Variants in PIEZO1 observed in about 807,000 individuals in gnomAD.
The protein encoded by PIEZO1 is piezo-type mechanosensitive ion channel component 1.
A neutral mutation model predicts 297.2 loss-of-function variants in PIEZO1; 296 were observed. That is an observed-to-expected ratio of 1.00 (90% CI 0.91 to 1.10). The LOEUF is 1.10. Ranked by LOEUF, PIEZO1 falls within the 50% of genes least tolerant of loss-of-function variation. The pLI is 0.00. For synonymous variants in PIEZO1, 2,427 were observed against 1,507.5 expected, an observed-to-expected ratio of 1.61 and a Z score of -14.13; for missense variants, 5,018 against 3,455.5, an observed-to-expected ratio of 1.45 and a Z score of -11.34.
chr16:88,731,696 T>C lies in PIEZO1; in HGVS notation c.3196+10A>G, dbSNP rs1471340820. The C allele has an allele frequency of 1.2e-5, 19 of 1,547,526 alleles. No homozygotes were observed. In the South Asian group the frequency reaches 1.9e-4, roughly 16 times the overall value. ...AAAGCCCACTCCCACCCAAGCCACG[T>C]GCCCCTCACCAATGCACAGGGCCGG... On this transcript the variant is annotated intron_variant, in intron 22 of 50. Coordinates refer to ENST00000301015, the MANE Select transcript of PIEZO1 (RefSeq NM_001142864.4).
chr16:88,732,909 G>A lies in PIEZO1; in HGVS notation c.2665-177C>T, dbSNP rs569522625. 4.4e-5 allele frequency: 28 copies of A among 637,000 alleles called. No individual in the cohort carries two copies. The African/African-American group carries it at 4.4e-4, about 10-fold the overall frequency. The allele number at this position is 637,000 out of a possible 1,614,324, so 39.5% of individuals were successfully genotyped here. On this transcript the variant is annotated intron_variant, in intron 19 of 50. Coordinates refer to ENST00000301015, the MANE Select transcript of PIEZO1 (RefSeq NM_001142864.4). The stretch of plus-strand genomic sequence containing the variant: ...AAGGGGACCAGGTGTTTGAGAAACA[G>A]GGAGACCACGGGCAGGGGCTGGGGG...
chr16:88,724,850 G>A (rs921357389), intron 30 of PIEZO1, among the ~76,000 whole-genome samples, 159 bp downstream of exon 30: 1 of 152,180 alleles, frequency 6.6e-6, no homozygotes, highest in African/African-American at 2.4e-5. Context: ...GGGGTCTGCA[G>A]CCAGTGAGGC....
At chr16:88,773,169 T>C (rs570450851) in intron 1 of PIEZO1, among the ~76,000 whole-genome samples, 25 of 152,338 alleles carry the variant, frequency 1.6e-4, no homozygotes, top group South Asian at 2.1e-4. Context: ...CTGGGTCTCA[T>C]TGATTCAGGC....
chr16:88,733,109 T>G (rs1333331262), intron 19 of PIEZO1, 169 bp downstream of exon 19: 1 of 644,168 alleles, frequency 1.6e-6, no homozygotes, highest in Non-Finnish European at 2.7e-6. Context: ...GGTCCACAGT[T>G]GAGGTCGAAG....
At chr16:88,751,283 C>T (rs1334308465) in intron 1 of PIEZO1, among the ~76,000 whole-genome samples, 5 of 152,214 alleles carry the variant, frequency 3.3e-5, no homozygotes, top group Non-Finnish European at 7.3e-5. Flanking sequence ...CTTTCACAGC[C>T]TGGTGGGGCC....
chr16:88,740,424 CCCCCA>C (rs1905564204), intron 5 of PIEZO1: 1 of 152,378 alleles, frequency 6.6e-6, no homozygotes, highest in Non-Finnish European at 1.5e-5. Context: ...ATGCCCCATG[CCCCCA>C]TCAGCATGGA....
In PIEZO1 at chr16:88,735,010, C is replaced by T. The variant is rs1905110184; in HGVS notation, c.1713G>A (p.Leu571=). ...TQTLLQSLGE[L]VKGVYAKYWI... ...AGTACTTGGCGTACACGCCCTTCAC[C>T]AGCTCCCCCAGGCTCTGCAACAGCG... Residue 571 remains leucine, a synonymous_variant, in exon 14 of 51, where the codon CTG becomes CTA. Transcript: ENST00000301015. 2 of 1,550,402 alleles carry T rather than the reference C, an allele frequency of 1.3e-6. No homozygotes were observed. The highest frequency in any genetic ancestry group is 3.9e-5 in the Admixed American group (2 of 50,996).
In PIEZO1 at chr16:88,737,627, GGTGCTGTGGGCACCAC is replaced by G; in HGVS notation, c.1111_1126del (p.Val371ProfsTer13). ...GATGCAGTTATCAGCCTCGGTGTCG[GGTGCTGTGGGCACCAC>G]GTGCTGTGGGCAAGCAGCGCTGAGC... On this transcript the variant is annotated frameshift_variant, in exon 10 of 51. Coordinates refer to ENST00000301015, the MANE Select transcript of PIEZO1 (RefSeq NM_001142864.4). LOFTEE classifies it high-confidence loss of function. 13 of 1,534,892 alleles carry G rather than the reference GGTGCTGTGGGCACCAC, an allele frequency of 8.5e-6. No homozygotes were observed. Among genetic ancestry groups the G allele is most frequent in the East Asian group, 2.4e-5 (1 of 40,922 alleles).
chr16:88,726,656 A>AT lies in PIEZO1; in HGVS notation c.3700-14_3700-13insA. On this transcript the variant is annotated splice_polypyrimidine_tract_variant and intron_variant, in intron 25 of 50. Coordinates refer to ENST00000301015, the MANE Select transcript of PIEZO1 (RefSeq NM_001142864.4). ...CGCAGGCCAGGAGCTGGGGGAGAGC[A>AT]GGGTCAGCGGGGCCAGCGGGGCCCC... 1 of 941,030 alleles carries AT rather than the reference A, an allele frequency of 1.1e-6. No individual in the cohort carries two copies. The highest frequency in any genetic ancestry group is 1.5e-6 in the Non-Finnish European group (1 of 671,046). 58.3% of individuals were successfully genotyped at this position (941,030 alleles called of 1,614,324 possible).
In PIEZO1 at chr16:88,716,047, A is replaced by G; in HGVS notation, c.7202T>C (p.Leu2401Pro). ...REQGAGATGF[L>P]EWWVIELQEC... ...CTGCAGCTCGATGACCCACCATTCG[A>G]GGAAGCCGGTGGCCCCCGCACCCTG... is the stretch of plus-strand genomic sequence containing the variant. The change falls in exon 50 of 51, where the codon CTC becomes CCC. Residue 2401 changes from leucine (L) to proline (P), a missense_variant. Leu to Pro is a moderately conservative substitution (Grantham distance 98). Coordinates refer to ENST00000301015, the MANE Select transcript of PIEZO1 (RefSeq NM_001142864.4). 6.5e-7 allele frequency: 1 copy of G among 1,550,202 alleles called. No individual in the cohort carries two copies. The highest frequency in any genetic ancestry group is 8.7e-7 in the Non-Finnish European group (1 of 1,146,908).
intron 2 of PIEZO1, 37 bp from the exon 3 acceptor site, chr16:88,742,459 A>T (rs1228179353): frequency 6.5e-7 from 1 of 1,528,990 alleles, no homozygotes; most frequent in Non-Finnish European, 8.7e-7. Flanking sequence ...GGTCCCGGGG[A>T]CGGGGAGGGG....
At position 88,726,671 on chromosome 16, in the gene PIEZO1, A is replaced by C. The variant is rs1904460450; in HGVS notation, c.3700-28T>G. ...GGGGGAGAGCAGGGTCAGCGGGGCC[A>C]GCGGGGCCCCAGGGCGGTGGGTGCG... On this transcript the variant is annotated intron_variant, in intron 25 of 50. Coordinates refer to ENST00000301015, the MANE Select transcript of PIEZO1 (RefSeq NM_001142864.4). 6.3e-6 allele frequency: 9 copies of C among 1,434,844 alleles called. No individual in the cohort carries two copies. The South Asian group carries it at 8.5e-5, about 14-fold the overall frequency. 88.9% of individuals were successfully genotyped at this position (1,434,844 alleles called of 1,614,324 possible).
At chr16:88,767,310 T>G (rs1477205459) in intron 1 of PIEZO1, among the ~76,000 whole-genome samples, 2 of 152,102 alleles carry the variant, frequency 1.3e-5, no homozygotes, top group Non-Finnish European at 2.9e-5. Context: ...CTGGGCCAGG[T>G]CCTGCCCATG....
intron 12 of PIEZO1, among the ~76,000 whole-genome samples, 172 bp from the exon 13 acceptor site, chr16:88,735,418 C>T (rs1905143943): frequency 6.6e-6 from 1 of 152,246 alleles, no homozygotes; most frequent in Admixed American, 6.5e-5. Flanking sequence ...CACACCCACT[C>T]AGAGGCACAC....
Position 88,769,813 on chromosome 16 carries a change from G to A in PIEZO1, c.64+15088C>T, listed in dbSNP as rs777400007. 5.0e-4 allele frequency among the ~76,000 whole-genome samples: 76 copies of A among 152,324 alleles called. 1 individual carries two copies. Among genetic ancestry groups the A allele is most frequent in the East Asian group, 3.1e-3 (16 of 5,186 alleles). On this transcript the variant is annotated intron_variant, in intron 1 of 50. Transcript: ENST00000301015. ...GGGCCAGGGTGGGCGGGGCCAGGAC[G>A]AGCCTCATGTCACCTCTGCTAGCTC...
chr16:88,737,497 G>C (rs1463879177), intron 10 of PIEZO1, 62 bp downstream of exon 10: 2 of 1,208,118 alleles, frequency 1.7e-6, no homozygotes, highest in Middle Eastern at 2.7e-4. Flanking sequence ...CCACCAGGGG[G>C]CAGCACCGGC....
Position 88,736,118 on chromosome 16 carries a change from G to A in PIEZO1, c.1557+30C>T, listed in dbSNP as rs985069774. ...AACCCTGATGGGTCTGCGCACCCAG[G>A]CACCCCCGGATGTGGTGGTGCACAC... is the stretch of plus-strand genomic sequence containing the variant. On this transcript the variant is annotated intron_variant, in intron 12 of 50. Transcript: ENST00000301015. 4.6e-6 allele frequency: 7 copies of A among 1,520,730 alleles called. No homozygotes were observed. The East Asian group carries it at 1.7e-4, about 38-fold the overall frequency. 94.2% of individuals were successfully genotyped at this position (1,520,730 alleles called of 1,614,324 possible). A position where few individuals can be genotyped will look rare whatever the true frequency, so the allele number is the denominator to read the frequency against.
Position 88,731,807 on chromosome 16 carries a change from TG to T in PIEZO1, c.3094del (p.Gln1032ArgfsTer46), listed in dbSNP as rs1453965768. The T allele has an allele frequency of 6.6e-7, 1 of 1,510,810 alleles. No homozygotes were observed. The allele number at this position is 1,510,810 out of a possible 1,614,324, so 93.6% of individuals were successfully genotyped here. A position where few individuals can be genotyped will look rare whatever the true frequency, so the allele number is the denominator to read the frequency against. Reference protein sequence around the residue: ...LVAILTRRHRQAIARLWPNYC... With the variant: ...LVAILTRRHRXAIARLWPNYC... ...GTTGGGCCAGAGGCGGGCAATGGCCTGGCGGTGCCTGCGGGTGAGGATGGCC... is the reference window on the plus strand; with the variant it reads ...GTTGGGCCAGAGGCGGGCAATGGCCTGCGGTGCCTGCGGGTGAGGATGGCC... On this transcript the variant is annotated frameshift_variant, in exon 22 of 51. Coordinates refer to ENST00000301015, the MANE Select transcript of PIEZO1 (RefSeq NM_001142864.4). LOFTEE classifies it high-confidence loss of function.
chr16:88,720,618 G>A lies in PIEZO1; in HGVS notation c.5799C>T (p.Ser1933=), dbSNP rs906383528. The A allele has an allele frequency of 1.0e-5, 16 of 1,544,978 alleles. No homozygotes were observed. The highest frequency in any genetic ancestry group is 1.4e-5 in the Non-Finnish European group (16 of 1,145,590). Residue 1933 remains serine, a splice_region_variant and synonymous_variant, in exon 40 of 51, where the codon TCC becomes TCT. Transcript: ENST00000301015. ...TGCCCCCGGCCGCCATCACTCACAGGGACAGGCAGAAGCCCTGCAGCCGCC... is the reference window on the plus strand; with the variant it reads ...TGCCCCCGGCCGCCATCACTCACAGAGACAGGCAGAAGCCCTGCAGCCGCC... ...AGRRLQGFCL[S]LAQGTYRPLR... is the part of the protein sequence containing the mutation.
Sources: gnomAD v4.1 joint callset for allele counts (sites outside exome capture counted in the v4.1 genomes callset) on GRCh38, gnomAD v4.1.1 for gene constraint, MANE v1.5 for transcripts, NCBI Gene and HGNC (gene_info 2026-07-23, HGNC 2026-07-21) for gene names.